The following UGT1A8 variants were observed in gnomAD, a reference collection of about 807,000 sequenced individuals.
UGT1A8 encodes UDP glucuronosyltransferase family 1 member A8, also known as UDP-glucuronosyltransferase 1A8.
A neutral mutation model predicts 45.3 loss-of-function variants in UGT1A8; 39 were observed. The ratio of observed to expected loss-of-function variants is 0.86; its 90% CI spans 0.67 to 1.12. The LOEUF (loss-of-function observed/expected upper bound fraction) is 1.12, where lower values mean the gene tolerates loss of function less well. Ranked by LOEUF, UGT1A8 falls within the 50% of genes most tolerant of loss-of-function variation. The probability of loss-of-function intolerance (pLI) is 0.00; values close to 1 mark genes in which losing one functional copy is unlikely to be tolerated. For missense variants in UGT1A8, 719 were observed against 664.9 expected, an observed-to-expected ratio of 1.08 and a Z score of -0.90; for synonymous variants, 275 against 249.2, an observed-to-expected ratio of 1.10 and a Z score of -0.97.
chr2:233,693,220 C>T (rs781113205), intron 1 of UGT1A8: 1 of 1,614,172 alleles, frequency 6.2e-7, no homozygotes, highest in South Asian at 1.1e-5. Flanking sequence ...AATCCAAATA[C>T]TACACAAGAA....
intron 1 of UGT1A8, among the ~76,000 whole-genome samples, chr2:233,742,171 A>G (rs758194375): frequency 2.0e-5 from 3 of 151,946 alleles, no homozygotes; most frequent in Non-Finnish European, 2.9e-5. Context: ...CACACACAGA[A>G]ATATAGAGTG....
chr2:233,684,280 A>G (rs2074671644), intron 1 of UGT1A8, among the ~76,000 whole-genome samples: 1 of 152,204 alleles, frequency 6.6e-6, no homozygotes, highest in East Asian at 1.9e-4. Flanking sequence ...ATGAAACATG[A>G]CTTTCAGCTC....
At position 233,688,188 on chromosome 2, in the gene UGT1A8, A is replaced by T. The variant is rs763707557; in HGVS notation, c.855+69626A>T. Among the ~76,000 whole-genome samples the T allele has an allele frequency of 2.6e-5, 4 of 152,176 alleles. No homozygotes were observed. In the South Asian group the frequency reaches 6.2e-4, roughly 24 times the overall value. On this transcript the variant is annotated intron_variant, in intron 1 of 4. Transcript: ENST00000373450. Reference sequence around the variant, plus strand: ...TTTCATGGAAATGGAAGCCTTTATGACCGGCTTCTTTCACTTAGTTTTGTG... The same window carrying T: ...TTTCATGGAAATGGAAGCCTTTATGTCCGGCTTCTTTCACTTAGTTTTGTG...
At chr2:233,690,486 CT>C in intron 1 of UGT1A8, 1 of 1,289,570 alleles carries the variant, frequency 7.8e-7, no homozygotes, top group Non-Finnish European at 1.0e-6. Context: ...TTTGGGAAAT[CT>C]GCTCTTGCCA....
chr2:233,713,360 C>A lies in UGT1A8; in HGVS notation c.856-53674C>A, dbSNP rs377457908. The stretch of plus-strand genomic sequence containing the variant: ...CAATTATGAACAATATGTCTTTGAT[C>A]ATACATAGGTCTTGTGTGGAGCTAC... On this transcript the variant is annotated intron_variant, in intron 1 of 4. Coordinates refer to ENST00000373450, the MANE Select transcript of UGT1A8 (RefSeq NM_019076.5). 1.3e-5 allele frequency: 21 copies of A among 1,614,044 alleles called. No homozygotes were observed. The African/African-American group carries it at 2.1e-4, about 16-fold the overall frequency.
intron 1 of UGT1A8, among the ~76,000 whole-genome samples, chr2:233,683,538 A>G (rs964692013): frequency 1.3e-5 from 2 of 152,182 alleles, no homozygotes; most frequent in African/African-American, 4.8e-5. Context: ...TTTTCACTAA[A>G]TGAGTGAGAT....
chr2:233,653,418 AG>A (rs1051909535), intron 1 of UGT1A8, among the ~76,000 whole-genome samples: 12 of 152,182 alleles, frequency 7.9e-5, no homozygotes, highest in African/African-American at 1.9e-4. Context: ...AGGTTAAAAA[AG>A]GAAAAGTATC....
At chr2:233,760,232 C>CTA (rs1697356426) in intron 1 of UGT1A8, 1 of 1,429,076 alleles carries the variant, frequency 7.0e-7, no homozygotes, top group Non-Finnish European at 9.5e-7. Flanking sequence ...TTGGTTTTTG[C>CTA]CATATATATA....
rs2073533993 is a variant in UGT1A8, at chr2:233,644,044, G to C, written c.855+25482G>C. 3.3e-5 allele frequency among the ~76,000 whole-genome samples: 5 copies of C among 152,120 alleles called. No homozygotes were observed. The South Asian group carries it at 1.0e-3, about 32-fold the overall frequency. ...GGAGGAGTGATGTCGGTACTCCCTT[G>C]GCTGCTTCAGCTAGTGTTTCAGTAT... On this transcript the variant is annotated intron_variant, in intron 1 of 4. Coordinates refer to ENST00000373450, the MANE Select transcript of UGT1A8 (RefSeq NM_019076.5).
At chr2:233,620,621 T>C (rs2072985131) in intron 1 of UGT1A8, among the ~76,000 whole-genome samples, 1 of 152,204 alleles carries the variant, frequency 6.6e-6, no homozygotes, top group Non-Finnish European at 1.5e-5. Context: ...AAAGAATATA[T>C]ATGTATGAAA....
chr2:233,627,748 C>T (rs927286963), intron 1 of UGT1A8, among the ~76,000 whole-genome samples: 3 of 151,064 alleles, frequency 2.0e-5, no homozygotes, highest in Non-Finnish European at 4.4e-5. Context: ...GCATTCACCA[C>T]GGTAGAGCTC....
intron 1 of UGT1A8, among the ~76,000 whole-genome samples, chr2:233,745,945 G>C (rs1693257711): frequency 6.6e-6 from 1 of 151,628 alleles, no homozygotes; most frequent in Non-Finnish European, 1.5e-5. Context: ...CTGGGGGTTG[G>C]GCAACTGGGG....
In UGT1A8 at chr2:233,769,262, G is replaced by C. The variant is rs1197405588; in HGVS notation, c.1295+823G>C. On this transcript the variant is annotated intron_variant, in intron 4 of 4. Transcript: ENST00000373450. This position sits in a 1 kb window ranked among gnomAD's most constrained non-coding sequence, Gnocchi z 4.4. The stretch of plus-strand genomic sequence containing the variant: ...TTTGCTCAAATGTGGCCCTGAAAAC[G>C]ATTCAAAGGGCAAATGATTTCTGGA... Among the ~76,000 whole-genome samples the C allele has an allele frequency of 6.6e-6, 1 of 152,184 alleles. No homozygotes were observed. Among genetic ancestry groups the C allele is most frequent in the Non-Finnish European group, 1.5e-5 (1 of 68,036 alleles).
intron 1 of UGT1A8, among the ~76,000 whole-genome samples, chr2:233,735,339 T>G (rs1056442673): frequency 6.6e-6 from 1 of 151,862 alleles, no homozygotes; most frequent in Non-Finnish European, 1.5e-5. Context: ...AACCCCTGCT[T>G]TTTTTTTGCT....
chr2:233,710,599 GGTTT>G (rs1342342339), intron 1 of UGT1A8, among the ~76,000 whole-genome samples: 2 of 152,000 alleles, frequency 1.3e-5, no homozygotes, highest in Admixed American at 6.5e-5. Context: ...CACCTTTATT[GGTTT>G]GTTTGTCTTC....
Position 233,742,350 on chromosome 2 carries a change from T to G in UGT1A8, c.856-24684T>G, listed in dbSNP as rs566927246. On this transcript the variant is annotated intron_variant, in intron 1 of 4. Transcript: ENST00000373450. ...CAAAGGGATGGGCTCTGGCTAATTATCTGCAGCAGAAACATGTCCTTAAGG... is the reference window on the plus strand; with the variant it reads ...CAAAGGGATGGGCTCTGGCTAATTAGCTGCAGCAGAAACATGTCCTTAAGG... Among the ~76,000 whole-genome samples, 10 of 152,136 alleles carry G rather than the reference T, an allele frequency of 6.6e-5. No homozygotes were observed. The East Asian group carries it at 9.6e-4, about 15-fold the overall frequency.
intron 1 of UGT1A8, among the ~76,000 whole-genome samples, chr2:233,662,258 C>T (rs1387648771): frequency 2.0e-5 from 3 of 152,096 alleles, no homozygotes; most frequent in East Asian, 3.9e-4. Context: ...AAAATAGACT[C>T]GTTGCTATAT....
Position 233,760,930 on chromosome 2 carries a change from A to G in UGT1A8, c.856-6104A>G, listed in dbSNP as rs144398951. 63 of 1,614,176 alleles carry G rather than the reference A, an allele frequency of 3.9e-5. 1 individual carries two copies. In the Middle Eastern group the frequency reaches 1.3e-3, roughly 34 times the overall value. On this transcript the variant is annotated intron_variant, in intron 1 of 4. Coordinates refer to ENST00000373450, the MANE Select transcript of UGT1A8 (RefSeq NM_019076.5). ...CCTGCAGCGGGTGAAGAACATGCTC[A>G]TTGCCTTTTCACAGAACTTTCTGTG...
In UGT1A8 at chr2:233,701,537, A is replaced by G. The variant is rs968606344; in HGVS notation, c.856-65497A>G. On this transcript the variant is annotated intron_variant, in intron 1 of 4. Transcript: ENST00000373450. ...ACTCTCCACCCCAAATCAACAGAATATACATTCTTTTCAGCACCACACCAC... is the reference window on the plus strand; with the variant it reads ...ACTCTCCACCCCAAATCAACAGAATGTACATTCTTTTCAGCACCACACCAC... Among the ~76,000 whole-genome samples the G allele has an allele frequency of 9.2e-5, 14 of 152,292 alleles. No individual in the cohort carries two copies. The East Asian group carries it at 9.6e-4, about 10-fold the overall frequency.
Sources: allele counts gnomAD v4.1 joint callset (sites outside exome capture counted in the v4.1 genomes callset), GRCh38; gene constraint gnomAD v4.1.1; non-coding constraint Gnocchi (gnomAD v3.1); transcripts MANE v1.5; gene names NCBI Gene and HGNC (gene_info 2026-07-23, HGNC 2026-07-21).